ARHGEF3: variants seen among roughly 807,000 people sequenced by gnomAD.
The protein encoded by ARHGEF3 is 59.8 kDA protein.
Under a neutral mutation model 63.2 loss-of-function variants are expected in ARHGEF3, and 28 were observed. That is an observed-to-expected ratio of 0.44 (90% CI 0.33 to 0.61). The LOEUF is 0.61. Ranked by LOEUF, ARHGEF3 falls within the 20% of genes least tolerant of loss-of-function variation. The pLI, the probability that ARHGEF3 is intolerant of heterozygous loss-of-function variation, is 0.03. For missense variants in ARHGEF3, 533 were observed against 659.3 expected, an observed-to-expected ratio of 0.81 and a Z score of 2.10; for synonymous variants, 266 against 254.2, an observed-to-expected ratio of 1.05 and a Z score of -0.44.
chr3:56,912,050 G>A (rs1183634601), intron 3 of ARHGEF3, among the ~76,000 whole-genome samples: 12 of 151,914 alleles, frequency 7.9e-5, no homozygotes. Flanking sequence ...TACATTTTGA[G>A]TTCTAGTTGA....
intron 3 of ARHGEF3, among the ~76,000 whole-genome samples, chr3:56,936,449 C>T (rs1254456265): frequency 6.6e-6 from 1 of 152,162 alleles, no homozygotes; most frequent in Non-Finnish European, 1.5e-5. Flanking sequence ...ACAGCAGAGA[C>T]ACTCCCCACT....
At chr3:56,775,777 TACACACACACACACACGCGCAAGC>T (rs1330095536) in intron 1 of ARHGEF3, 15 of 470,300 alleles carry the variant, frequency 3.2e-5, no homozygotes, top group Non-Finnish European at 3.2e-5. Flanking sequence ...GCGTACTGAA[TACACACACACACACACGCGCAAGC>T]ACACACACAC....
rs572618709 is a variant in ARHGEF3 at position 56,773,226 on chromosome 3, G to T, written c.204+483C>A. ...ATTTCATGTCGTTTTCATGTGTCAC[G>T]AAACAGCACCATTCTTTTGACTTTC... On this transcript the variant is annotated intron_variant, in intron 2 of 9. Coordinates refer to ENST00000296315, the MANE Select transcript of ARHGEF3 (RefSeq NM_019555.3). 2.0e-5 allele frequency among the ~76,000 whole-genome samples: 3 copies of T among 152,146 alleles called. No individual in the cohort carries two copies. The South Asian group carries it at 6.2e-4, about 32-fold the overall frequency.
intron 4 of ARHGEF3, among the ~76,000 whole-genome samples, chr3:56,873,158 T>C (rs892551535): frequency 6.6e-6 from 1 of 151,700 alleles, no homozygotes; most frequent in Non-Finnish European, 1.5e-5. Flanking sequence ...GCCACCACAC[T>C]CAGCTAAGTT....
At chr3:56,782,137 T>C (rs552971627) in intron 1 of ARHGEF3, among the ~76,000 whole-genome samples, 36 of 152,360 alleles carry the variant, frequency 2.4e-4, no homozygotes, top group African/African-American at 8.4e-4. Context: ...AAATAATTGT[T>C]CCTAATTCTA....
chr3:57,055,973 C>T (rs1318009826), intron 1 of ARHGEF3, among the ~76,000 whole-genome samples: 1 of 152,172 alleles, frequency 6.6e-6, no homozygotes, highest in Non-Finnish European at 1.5e-5. Context: ...CAGCATCTGG[C>T]TGTCAGATCT....
chr3:56,909,374 A>G (rs898579127), intron 3 of ARHGEF3, among the ~76,000 whole-genome samples: 3 of 152,240 alleles, frequency 2.0e-5, no homozygotes, highest in Non-Finnish European at 4.4e-5. Flanking sequence ...ATGGAAATAT[A>G]CACATAAGGG....
chr3:57,071,511 T>C (rs1365241714), intron 1 of ARHGEF3, among the ~76,000 whole-genome samples: 1 of 151,806 alleles, frequency 6.6e-6, no homozygotes, highest in East Asian at 1.9e-4. Flanking sequence ...AATACAAAAA[T>C]CAGCTGGGTG....
At chr3:56,878,066 A>G (rs2040648894) in intron 4 of ARHGEF3, among the ~76,000 whole-genome samples, 2 of 152,114 alleles carry the variant, frequency 1.3e-5, no homozygotes, top group Admixed American at 1.3e-4. Context: ...TTATTTTTAC[A>G]TTACTTTATC....
chr3:56,971,170 T>C (rs1700894647), intron 2 of ARHGEF3, among the ~76,000 whole-genome samples: 1 of 152,116 alleles, frequency 6.6e-6, no homozygotes, highest in Admixed American at 6.6e-5. Context: ...TGGTCACCAA[T>C]ACACAGGGTA....
intron 1 of ARHGEF3, among the ~76,000 whole-genome samples, chr3:56,791,159 T>C (rs1385602135): frequency 1.3e-5 from 2 of 152,124 alleles, no homozygotes; most frequent in Admixed American, 6.5e-5. Context: ...TCCCAGCACC[T>C]TGGGAGGCCG....
chr3:57,049,305 G>GT (rs1273895866), intron 1 of ARHGEF3, among the ~76,000 whole-genome samples: 6 of 152,166 alleles, frequency 3.9e-5, no homozygotes, highest in African/African-American at 1.4e-4. Flanking sequence ...GGAGTCCGAG[G>GT]TTGCCGTAGG....
chr3:56,926,864 C>T (rs980964229), intron 3 of ARHGEF3, among the ~76,000 whole-genome samples: 6 of 152,074 alleles, frequency 3.9e-5, no homozygotes, highest in Non-Finnish European at 7.4e-5. Flanking sequence ...ATGAATACCC[C>T]GGGAGGGGTG....
Position 56,801,868 on chromosome 3 carries a change from A to AG in ARHGEF3, c.-71dup, listed in dbSNP as rs772889605. 1 of 1,550,086 alleles carries AG rather than the reference A, an allele frequency of 6.5e-7. No homozygotes were observed. The highest frequency in any genetic ancestry group is 8.7e-7 in the Non-Finnish European group (1 of 1,146,478). On this transcript the variant is annotated 5_prime_UTR_variant, in exon 1 of 10. Transcript: ENST00000296315. Reference sequence around the variant, plus strand: ...GGCGACTACAAAACTCCCAGGCAAAAGGGGGCCCCAGCTCCACGATGCCGG... The same window carrying AG: ...GGCGACTACAAAACTCCCAGGCAAAAGGGGGGCCCCAGCTCCACGATGCCGG...
intron 3 of ARHGEF3, among the ~76,000 whole-genome samples, chr3:56,896,639 T>C (rs1395009826): frequency 1.3e-5 from 2 of 152,262 alleles, no homozygotes; most frequent in Admixed American, 6.5e-5. Flanking sequence ...TTTGTGTTTC[T>C]TGATTTTAAT....
chr3:56,878,399 C>T (rs1179637969), intron 4 of ARHGEF3, among the ~76,000 whole-genome samples: 1 of 152,130 alleles, frequency 6.6e-6, no homozygotes, highest in Non-Finnish European at 1.5e-5. Flanking sequence ...GTGTTCTAAC[C>T]CACCAGGAAG....
At chr3:56,736,056 AC>A (rs2033604311) in intron 8 of ARHGEF3, among the ~76,000 whole-genome samples, 2 of 55,766 alleles carry the variant, frequency 3.6e-5, no homozygotes, top group South Asian at 2.6e-3. Flanking sequence ...TTAAACACAC[AC>A]ACACACACAC....
chr3:56,870,794 A>C (rs1047763205), intron 4 of ARHGEF3, among the ~76,000 whole-genome samples: 6 of 148,032 alleles, frequency 4.1e-5, no homozygotes, highest in Admixed American at 3.4e-4. Flanking sequence ...TAAAAAAAAA[A>C]AGTAAAGTCT....
intron 4 of ARHGEF3, among the ~76,000 whole-genome samples, chr3:56,834,897 G>A (rs1578636339): frequency 6.6e-6 from 1 of 152,122 alleles, no homozygotes; most frequent in African/African-American, 2.4e-5. Context: ...CATACATTTG[G>A]CAGGGCTATA....
Sources: allele counts gnomAD v4.1 joint callset (sites outside exome capture counted in the v4.1 genomes callset), GRCh38; gene constraint gnomAD v4.1.1; transcripts MANE v1.5; gene names NCBI Gene and HGNC (gene_info 2026-07-23, HGNC 2026-07-21).